PPP1CB: variants seen among roughly 807,000 people sequenced by gnomAD.
PPP1CB encodes protein phosphatase 1 catalytic subunit beta.
Under a neutral mutation model 43.7 loss-of-function variants are expected in PPP1CB, and 2 were observed. That is an observed-to-expected ratio of 0.05 (90% CI 0.02 to 0.14). PPP1CB has a LOEUF of 0.14. Among genes scored for constraint, PPP1CB ranks in the 10% least tolerant of loss-of-function variants. PPP1CB has a pLI of 1.00. For missense variants in PPP1CB, 84 were observed against 398.0 expected, an observed-to-expected ratio of 0.21 and a Z score of 6.71; for synonymous variants, 136 against 135.6, an observed-to-expected ratio of 1.00 and a Z score of -0.02.
At chr2:28,782,073 T>G (rs1236224362) in intron 4 of PPP1CB, 1 of 481,524 alleles carries the variant, frequency 2.1e-6, no homozygotes, top group Non-Finnish European at 3.7e-6. Context: ...TAACTAGAGT[T>G]GTTTGAGAAA....
chr2:28,752,421 A>G (rs1325572557), intron 1 of PPP1CB, among the ~76,000 whole-genome samples: 1 of 152,160 alleles, frequency 6.6e-6, no homozygotes, highest in Non-Finnish European at 1.5e-5. Flanking sequence ...CTCGGGGGCC[A>G]GGCCCGCCGG....
chr2:28,784,917 C>CAAAAAAAAAA (rs869155670), intron 5 of PPP1CB, among the ~76,000 whole-genome samples: 4 of 79,064 alleles, frequency 5.1e-5, no homozygotes, highest in African/African-American at 1.0e-4. Context: ...GAAACTGTCT[C>CAAAAAAAAAA]AAAAAAAAAA....
intron 3 of PPP1CB, among the ~76,000 whole-genome samples, chr2:28,779,886 A>T (rs1264846739): frequency 6.6e-6 from 1 of 152,116 alleles, no homozygotes; most frequent in Admixed American, 6.6e-5. Context: ...CACAATACAG[A>T]TGATCTCTGT....
intron 1 of PPP1CB, among the ~76,000 whole-genome samples, chr2:28,752,484 C>T (rs959040598): frequency 1.3e-5 from 2 of 152,180 alleles, no homozygotes; most frequent in African/African-American, 4.8e-5. Flanking sequence ...GAAAGGCCGC[C>T]GGGCTCCGCG....
chr2:28,775,569 G>C (rs1262605440), intron 1 of PPP1CB, among the ~76,000 whole-genome samples: 2 of 152,104 alleles, frequency 1.3e-5, no homozygotes, highest in African/African-American at 4.8e-5. Context: ...TTGACACAGG[G>C]CCTTGCTTTG....
At chr2:28,773,138 T>C (rs1666949512) in intron 1 of PPP1CB, among the ~76,000 whole-genome samples, 1 of 152,210 alleles carries the variant, frequency 6.6e-6, no homozygotes, top group African/African-American at 2.4e-5. Flanking sequence ...GGTATATAGA[T>C]AGTTTAAAAT....
chr2:28,793,112 A>G (rs1269990778), intron 6 of PPP1CB, among the ~76,000 whole-genome samples: 1 of 152,170 alleles, frequency 6.6e-6, no homozygotes, highest in Non-Finnish European at 1.5e-5. Context: ...AGGCTGAGGC[A>G]GGAGAATGGC....
chr2:28,774,740 TTAAAC>T (rs923951215), intron 1 of PPP1CB, among the ~76,000 whole-genome samples: 20 of 152,114 alleles, frequency 1.3e-4, no homozygotes, highest in Non-Finnish European at 2.5e-4. Flanking sequence ...TTTTTTTTTC[TTAAAC>T]TAAAATCTTC....
At chr2:28,759,348 T>C (rs904321927) in intron 1 of PPP1CB, among the ~76,000 whole-genome samples, 1 of 152,022 alleles carries the variant, frequency 6.6e-6, no homozygotes, top group Admixed American at 6.5e-5. Context: ...AAACCCCATC[T>C]CTACTAAAAA....
chr2:28,786,598 C>T (rs371396903), intron 5 of PPP1CB, among the ~76,000 whole-genome samples: 2 of 151,862 alleles, frequency 1.3e-5, no homozygotes, highest in Admixed American at 1.3e-4. Flanking sequence ...TCCTGGCTAA[C>T]ACGGTGAAAC....
intron 1 of PPP1CB, among the ~76,000 whole-genome samples, chr2:28,775,571 C>T (rs892205247): frequency 6.6e-6 from 1 of 152,040 alleles, no homozygotes; most frequent in Non-Finnish European, 1.5e-5. Context: ...GACACAGGGC[C>T]TTGCTTTGCT....
At chr2:28,792,319 A>G (rs1296152785) in intron 6 of PPP1CB, among the ~76,000 whole-genome samples, 1 of 152,048 alleles carries the variant, frequency 6.6e-6, no homozygotes, top group Admixed American at 6.6e-5. Context: ...CAGCCTGGGC[A>G]ACAAGAGCAA....
rs533164487 is a variant in PPP1CB, at chr2:28,756,348, C to T, written c.52+4172C>T. Among the ~76,000 whole-genome samples the T allele has an allele frequency of 4.6e-5, 7 of 152,220 alleles. No homozygotes were observed. In the South Asian group the frequency reaches 1.4e-3, roughly 32 times the overall value. On this transcript the variant is annotated intron_variant, in intron 1 of 7. Coordinates refer to ENST00000395366, the MANE Select transcript of PPP1CB (RefSeq NM_002709.3). ...TGAAAATCGTGGGATGTGTTTGTAC[C>T]TGTTTTGTTTTTTAAATTCATTTTT...
intron 3 of PPP1CB, among the ~76,000 whole-genome samples, chr2:28,779,366 C>T (rs965928465): frequency 1.3e-5 from 2 of 152,142 alleles, no homozygotes; most frequent in African/African-American, 2.4e-5. Context: ...TTTTAACTCT[C>T]GGCATTCTTG....
At chr2:28,789,486 G>C (rs1341678551) in intron 6 of PPP1CB, among the ~76,000 whole-genome samples, 1 of 151,760 alleles carries the variant, frequency 6.6e-6, no homozygotes, top group Non-Finnish European at 1.5e-5. Context: ...TCCAGCCCTT[G>C]TGAAAGAGCT....
At chr2:28,784,260 C>G (rs1309977002) in intron 5 of PPP1CB, among the ~76,000 whole-genome samples, 8 of 152,158 alleles carry the variant, frequency 5.3e-5, no homozygotes, top group Non-Finnish European at 2.9e-5. Context: ...TAAATTCCCT[C>G]ATTCATACTA....
intron 3 of PPP1CB, among the ~76,000 whole-genome samples, chr2:28,780,899 T>C (rs1438942305): frequency 7.1e-6 from 1 of 141,746 alleles, no homozygotes; most frequent in Non-Finnish European, 1.6e-5. Context: ...TAGTGCCAAG[T>C]TGTAATTCAC....
chr2:28,781,420 A>G (rs1448922653), intron 3 of PPP1CB, among the ~76,000 whole-genome samples: 3 of 152,162 alleles, frequency 2.0e-5, no homozygotes. Flanking sequence ...TCACTGTTAT[A>G]CAATCGATCT....
chr2:28,754,108 ATATTT>A (rs1666420622), intron 1 of PPP1CB, among the ~76,000 whole-genome samples: 1 of 152,122 alleles, frequency 6.6e-6, no homozygotes, highest in South Asian at 2.1e-4. Flanking sequence ...CAATTTATTT[ATATTT>A]TATTTCATTT....
Sources: allele counts gnomAD v4.1 joint callset (sites outside exome capture counted in the v4.1 genomes callset), GRCh38; gene constraint gnomAD v4.1.1; transcripts MANE v1.5; gene names NCBI Gene and HGNC (gene_info 2026-07-23, HGNC 2026-07-21).